The following ATXN7L1 variants were observed in gnomAD, a reference collection of about 807,000 sequenced individuals.
ATXN7L1 encodes the protein ataxin-7-like protein 1.
ATXN7L1 carries 15 observed loss-of-function variants against 70.8 expected under a neutral mutation model. That is an observed-to-expected ratio of 0.21 (90% confidence interval 0.14 to 0.33). The LOEUF (loss-of-function observed/expected upper bound fraction) is 0.33. Among genes scored for constraint, ATXN7L1 ranks in the 10% least tolerant of loss-of-function variants. The probability of loss-of-function intolerance (pLI) is 1.00; values close to 1 mark genes in which losing one functional copy is unlikely to be tolerated. For missense variants in ATXN7L1, 975 were observed against 1,097.1 expected (o/e 0.89, Z 1.57); for synonymous variants, 440 against 445.1 (o/e 0.99, Z 0.14).
intron 2 of ATXN7L1, among the ~76,000 whole-genome samples, chr7:105,827,818 G>T (rs1811088428): frequency 6.6e-6 from 1 of 152,182 alleles, no homozygotes; most frequent in African/African-American, 2.4e-5. Flanking sequence ...GTTTTAGTAA[G>T]GTCATATGGT....
intron 7 of ATXN7L1, among the ~76,000 whole-genome samples, chr7:105,627,395 T>G (rs903570630): frequency 5.4e-4 from 82 of 151,918 alleles, no homozygotes; most frequent in Non-Finnish European, 1.0e-4. Context: ...TCACAGTATC[T>G]GGCTAATTTT....
chr7:105,654,063 T>C (rs981849140), intron 4 of ATXN7L1, among the ~76,000 whole-genome samples: 2 of 152,240 alleles, frequency 1.3e-5, no homozygotes, highest in Non-Finnish European at 2.9e-5. Flanking sequence ...TGTCCCAGTA[T>C]ACATGTCGCT....
At chr7:105,630,042 T>C (rs1027505066) in intron 7 of ATXN7L1, among the ~76,000 whole-genome samples, 3 of 152,166 alleles carry the variant, frequency 2.0e-5, no homozygotes, top group African/African-American at 7.2e-5. Flanking sequence ...AGTCTTGAAC[T>C]CTTGACTTCA....
chr7:105,720,591 A>T (rs534567398), intron 3 of ATXN7L1, among the ~76,000 whole-genome samples: 9 of 151,794 alleles, frequency 5.9e-5, no homozygotes, highest in South Asian at 2.1e-4. Flanking sequence ...GCTAATTTTT[A>T]AAAAAATTAT....
At chr7:105,733,066 A>G (rs1237473432) in intron 3 of ATXN7L1, among the ~76,000 whole-genome samples, 3 of 152,150 alleles carry the variant, frequency 2.0e-5, no homozygotes, top group Non-Finnish European at 4.4e-5. Flanking sequence ...CATATTGTCT[A>G]TTTAGTTGCT....
At chr7:105,875,917 G>A (rs1563165258) in intron 1 of ATXN7L1, 37 bp from the exon 2 acceptor site, 1 of 1,592,314 alleles carries the variant, frequency 6.3e-7, no homozygotes. Flanking sequence ...AGAAAATAAG[G>A]AAAAAAGGGG....
At chr7:105,706,054 A>G (rs931975447) in intron 3 of ATXN7L1, among the ~76,000 whole-genome samples, 2 of 152,266 alleles carry the variant, frequency 1.3e-5, no homozygotes, top group Admixed American at 6.5e-5. Context: ...TCCACAGTAA[A>G]GCAAGAGAGA....
chr7:105,794,085 T>C (rs1158045081), intron 2 of ATXN7L1, among the ~76,000 whole-genome samples: 2 of 152,064 alleles, frequency 1.3e-5, no homozygotes, highest in Non-Finnish European at 2.9e-5. Flanking sequence ...TTTCTTCTTA[T>C]TTTACTCTAT....
intron 2 of ATXN7L1, among the ~76,000 whole-genome samples, chr7:105,792,334 T>C (rs1174519251): frequency 1.3e-5 from 2 of 152,162 alleles, no homozygotes; most frequent in African/African-American, 4.8e-5. Flanking sequence ...GAGTCAACCT[T>C]AGGATCTCCT....
At chr7:105,625,540 C>T (rs768746216) in intron 7 of ATXN7L1, among the ~76,000 whole-genome samples, 7 of 152,184 alleles carry the variant, frequency 4.6e-5, no homozygotes, top group Non-Finnish European at 8.8e-5. Flanking sequence ...TGTGAGCCAC[C>T]GTGCCCAGCT....
At position 105,614,081 on chromosome 7, in the gene ATXN7L1, C is replaced by T. The variant is rs916526010; in HGVS notation, c.2253G>A (p.Ala751=). 2.4e-5 allele frequency: 38 copies of T among 1,551,612 alleles called. 1 individual carries two copies. Among genetic ancestry groups the T allele is most frequent in the African/African-American group, 5.5e-5 (4 of 73,054 alleles). ...CCAGAGAGAGGTCCCCTGCGTGGAG[C>T]GCAAGGGAGGGCACAGAGAGGGGAC... ...DSCPLSVPSL[A]LHAGDLSLAS... Residue 751 remains alanine (A), a synonymous_variant, in exon 10 of 12, where the codon GCG becomes GCA. Coordinates refer to ENST00000419735, the MANE Select transcript of ATXN7L1 (RefSeq NM_020725.2). The surrounding 1 kb of genome is among the most constrained non-coding windows in gnomAD (Gnocchi z 4.3).
chr7:105,807,578 C>T (rs1487713638), intron 2 of ATXN7L1, among the ~76,000 whole-genome samples: 1 of 152,248 alleles, frequency 6.6e-6, no homozygotes, highest in Admixed American at 6.5e-5. Context: ...AGTCACATGA[C>T]TTACTTTGGC....
At chr7:105,842,715 G>A (rs962638204) in intron 2 of ATXN7L1, among the ~76,000 whole-genome samples, 4 of 152,178 alleles carry the variant, frequency 2.6e-5, no homozygotes, top group Non-Finnish European at 5.9e-5. Flanking sequence ...AACTAGAAGT[G>A]GAATTGCTGG....
At chr7:105,819,907 C>A in intron 2 of ATXN7L1, 1 of 535,680 alleles carries the variant, frequency 1.9e-6, no homozygotes, top group Non-Finnish European at 3.6e-6. Flanking sequence ...CTACGTGGGG[C>A]GCCTGGCTCA....
intron 2 of ATXN7L1, among the ~76,000 whole-genome samples, chr7:105,817,798 CACT>C (rs1459158823): frequency 1.3e-5 from 2 of 152,182 alleles, no homozygotes; most frequent in African/African-American, 2.4e-5. Flanking sequence ...CAGTGGTACA[CACT>C]TGCAGTTTCA....
intron 2 of ATXN7L1, among the ~76,000 whole-genome samples, chr7:105,874,759 G>A (rs1327740930): frequency 6.6e-6 from 1 of 152,234 alleles, no homozygotes; most frequent in African/African-American, 2.4e-5. Flanking sequence ...CATAAAATGA[G>A]TTCCATCTTT....
At chr7:105,627,288 G>A (rs886458318) in intron 7 of ATXN7L1, among the ~76,000 whole-genome samples, 2 of 152,142 alleles carry the variant, frequency 1.3e-5, no homozygotes, top group East Asian at 3.9e-4. Context: ...AGGCTGGAGT[G>A]CAGTGGCATG....
intron 2 of ATXN7L1, among the ~76,000 whole-genome samples, chr7:105,853,751 G>A (rs1171699441): frequency 1.3e-5 from 2 of 152,040 alleles, no homozygotes; most frequent in Non-Finnish European, 2.9e-5. Context: ...GCAACAGAGC[G>A]AGACTCTGTC....
intron 4 of ATXN7L1, among the ~76,000 whole-genome samples, chr7:105,661,023 C>T (rs1189495272): frequency 6.6e-6 from 1 of 152,160 alleles, no homozygotes; most frequent in African/African-American, 2.4e-5. Flanking sequence ...AAGACAATGT[C>T]TGTGTCTTAA....
Sources: gnomAD v4.1 joint callset for allele counts (sites outside exome capture counted in the v4.1 genomes callset) on GRCh38, gnomAD v4.1.1 for gene constraint, Gnocchi (gnomAD v3.1) non-coding constraint, MANE v1.5 for transcripts, NCBI Gene and HGNC (gene_info 2026-07-23, HGNC 2026-07-21) for gene names.